PCDH9: variants seen among roughly 807,000 people sequenced by gnomAD.
The protein encoded by PCDH9 is protocadherin-9.
PCDH9 carries 24 observed loss-of-function variants against 70.6 expected under a neutral mutation model. The ratio of observed to expected loss-of-function variants is 0.34; its 90% CI spans 0.25 to 0.48. The LOEUF (loss-of-function observed/expected upper bound fraction) is 0.48, where lower values mean the gene tolerates loss of function less well. Among genes scored for constraint, PCDH9 ranks in the 20% least tolerant of loss-of-function variants. The pLI is 0.99. For missense variants in PCDH9, 1,281 were observed against 1,503.6 expected (o/e 0.85, Z 2.45); for synonymous variants, 562 against 558.5 (o/e 1.01, Z -0.09).
intron 3 of PCDH9, among the ~76,000 whole-genome samples, chr13:66,819,202 C>T (rs557801447): frequency 1.3e-5 from 2 of 152,124 alleles, no homozygotes; most frequent in South Asian, 4.2e-4. Flanking sequence ...AGCACGAGAA[C>T]CATTGGTTTG....
At chr13:66,610,009 G>C (rs1200495623) in intron 4 of PCDH9, among the ~76,000 whole-genome samples, 4 of 145,400 alleles carry the variant, frequency 2.8e-5, no homozygotes, top group Admixed American at 7.0e-5. Flanking sequence ...CCAGGCTGGA[G>C]TGCAGTGGCG....
chr13:66,622,871 A>G (rs2077445263), intron 4 of PCDH9, among the ~76,000 whole-genome samples: 1 of 152,160 alleles, frequency 6.6e-6, no homozygotes, highest in Non-Finnish European at 1.5e-5. Context: ...CTTTGTGTCC[A>G]CACTGCCTTT....
chr13:66,575,255 C>T (rs2076798018), intron 4 of PCDH9, among the ~76,000 whole-genome samples: 1 of 151,956 alleles, frequency 6.6e-6, no homozygotes, highest in Admixed American at 6.6e-5. Flanking sequence ...TCAGTCCTAG[C>T]TTTCTTCTGT....
intron 4 of PCDH9, among the ~76,000 whole-genome samples, chr13:66,358,241 A>T (rs1956416776): frequency 6.6e-6 from 1 of 152,004 alleles, no homozygotes; most frequent in African/African-American, 2.4e-5. Context: ...TCTCAGTTTT[A>T]TAAAATATTA....
intron 2 of PCDH9, among the ~76,000 whole-genome samples, chr13:67,153,596 T>C (rs1367637321): frequency 6.6e-6 from 1 of 152,260 alleles, no homozygotes; most frequent in African/African-American, 2.4e-5. Context: ...CATCTATGGA[T>C]GTCGTTTTCA....
intron 4 of PCDH9, among the ~76,000 whole-genome samples, chr13:66,445,677 CAT>C (rs1277281161): frequency 2.1e-5 from 3 of 141,322 alleles, no homozygotes; most frequent in Non-Finnish European, 4.5e-5. Flanking sequence ...TATGTATACA[CAT>C]ATATAATATA....
chr13:66,672,594 C>T (rs945282869), intron 3 of PCDH9, among the ~76,000 whole-genome samples: 14 of 152,192 alleles, frequency 9.2e-5, no homozygotes, highest in Non-Finnish European at 1.9e-4. Context: ...ACACTGAAAG[C>T]TTGCACCATG....
At chr13:66,582,688 A>G (rs1472610851) in intron 4 of PCDH9, among the ~76,000 whole-genome samples, 1 of 152,160 alleles carries the variant, frequency 6.6e-6, no homozygotes, top group Admixed American at 6.6e-5. Context: ...GTTGACTGAT[A>G]TTGCTACTTC....
At chr13:66,636,806 T>C (rs1410805954) in intron 3 of PCDH9, among the ~76,000 whole-genome samples, 2 of 152,026 alleles carry the variant, frequency 1.3e-5, no homozygotes, top group Non-Finnish European at 2.9e-5. Context: ...AAGAAAGTAC[T>C]TATGATGAAC....
chr13:67,165,211 TA>T (rs1463325953), intron 2 of PCDH9, among the ~76,000 whole-genome samples: 7 of 152,256 alleles, frequency 4.6e-5, no homozygotes, highest in Middle Eastern at 3.4e-3. Context: ...TACTGATGAA[TA>T]AAAAAAGTTT....
chr13:66,434,604 T>C (rs1473486604), intron 4 of PCDH9, among the ~76,000 whole-genome samples: 2 of 151,986 alleles, frequency 1.3e-5, no homozygotes, highest in African/African-American at 2.4e-5. Context: ...GCTAAGGAAA[T>C]GGAATTATAG....
Position 66,903,536 on chromosome 13 carries a change from G to T in PCDH9, c.3106C>A (p.His1036Asn), listed in dbSNP as rs111628197. 1.5e-3 allele frequency: 2,355 copies of T among 1,567,628 alleles called. 31 individuals are homozygous for T. In the African/African-American group the frequency reaches 0.028, roughly 19 times the overall value. ...PQKCPSSTGF[H>N]IQENEESHYE... Reference sequence around the variant, plus strand: ...TGGCTTTCTTCATTCTCCTGAATGTGGAAACCCGTGGAGCTGGGACATTTC... The same window carrying T: ...TGGCTTTCTTCATTCTCCTGAATGTTGAAACCCGTGGAGCTGGGACATTTC... The change falls in exon 3 of 5, where the codon CAC becomes AAC. Residue 1036 changes from histidine (H) to asparagine (N), a missense_variant. His to Asn is a moderately conservative substitution (Grantham distance 68). This residue lies in a region of PCDH9 where 264 missense variants were observed against 278.8 expected (regional missense o/e 0.95). Transcript: ENST00000377865.
intron 3 of PCDH9, among the ~76,000 whole-genome samples, chr13:66,855,880 G>C (rs1000017791): frequency 1.3e-4 from 19 of 151,810 alleles, no homozygotes; most frequent in African/African-American, 4.1e-4. Context: ...TTTTATCATG[G>C]ATAAGATCTA....
intron 4 of PCDH9, among the ~76,000 whole-genome samples, chr13:66,624,696 C>T (rs2077475511): frequency 1.3e-5 from 2 of 152,174 alleles, no homozygotes; most frequent in South Asian, 2.1e-4. Context: ...TACAAATACA[C>T]ATGTAATTAC....
intron 2 of PCDH9, among the ~76,000 whole-genome samples, chr13:66,938,743 G>A (rs142385710): frequency 4.1e-4 from 63 of 152,254 alleles, no homozygotes; most frequent in African/African-American, 1.4e-3. Context: ...GGGAAGGCCA[G>A]AGAATTATTT....
At chr13:66,685,811 C>A (rs982914396) in intron 3 of PCDH9, among the ~76,000 whole-genome samples, 1 of 152,154 alleles carries the variant, frequency 6.6e-6, no homozygotes, top group Non-Finnish European at 1.5e-5. Context: ...TTAATGACTG[C>A]CCTATTGCAT....
intron 3 of PCDH9, among the ~76,000 whole-genome samples, chr13:66,851,704 T>C (rs1447621533): frequency 6.6e-6 from 1 of 152,148 alleles, no homozygotes; most frequent in East Asian, 1.9e-4. Flanking sequence ...ACTGTAGACT[T>C]GGGTTCTTTG....
intron 4 of PCDH9, among the ~76,000 whole-genome samples, chr13:66,623,017 C>T (rs1159562852): frequency 2.0e-5 from 3 of 152,186 alleles, no homozygotes; most frequent in Non-Finnish European, 2.9e-5. Context: ...AGGTCTGCAG[C>T]TTCACTCCTG....
intron 3 of PCDH9, among the ~76,000 whole-genome samples, chr13:66,674,157 A>G (rs1016656748): frequency 6.6e-6 from 1 of 152,092 alleles, no homozygotes; most frequent in Non-Finnish European, 1.5e-5. Flanking sequence ...GATGTTTAAT[A>G]AAAATAATAC....
Sources: gnomAD v4.1 joint callset for allele counts (sites outside exome capture counted in the v4.1 genomes callset) on GRCh38, gnomAD v4.1.1 for gene constraint, gnomAD v4.1.1 regional missense constraint, MANE v1.5 for transcripts, NCBI Gene and HGNC (gene_info 2026-07-23, HGNC 2026-07-21) for gene names.